Variants in WDFY2 observed in about 807,000 individuals in gnomAD.
The protein encoded by WDFY2 is WD repeat and FYVE domain-containing protein 2.
WDFY2 carries 36 observed loss-of-function variants against 56.4 expected under a neutral mutation model. That is an observed-to-expected ratio of 0.64 (90% confidence interval 0.49 to 0.84). WDFY2 has a LOEUF of 0.84. Among genes scored for constraint, WDFY2 ranks in the 40% least tolerant of loss-of-function variants. WDFY2 has a pLI of 0.00. For missense variants in WDFY2, 444 were observed against 512.2 expected (o/e 0.87, Z 1.29); for synonymous variants, 176 against 183.7 (o/e 0.96, Z 0.34).
chr13:51,584,902 C>T lies in WDFY2; in HGVS notation c.137+78C>T, dbSNP rs1593838379. On this transcript the variant is annotated intron_variant, in intron 1 of 11. Transcript: ENST00000298125. ...CTCGAGCCCGCGTCAGGGGCTGTGC[C>T]TTCACGTCGGCGCGAGTGTAGACTT... The T allele has an allele frequency of 5.1e-6, 8 of 1,570,624 alleles. No homozygotes were observed. The East Asian group carries it at 6.8e-5, about 13-fold the overall frequency.
At chr13:51,667,716 T>C (rs1955733243) in intron 2 of WDFY2, among the ~76,000 whole-genome samples, 1 of 152,144 alleles carries the variant, frequency 6.6e-6, no homozygotes, top group Non-Finnish European at 1.5e-5. Context: ...GGTTCCTGGT[T>C]GTGAAATGTA....
chr13:51,705,013 A>T (rs754949016), intron 4 of WDFY2, among the ~76,000 whole-genome samples: 2 of 152,158 alleles, frequency 1.3e-5, no homozygotes, highest in Non-Finnish European at 2.9e-5. Flanking sequence ...GGTTACAAAG[A>T]TACCAAAACT....
intron 2 of WDFY2, among the ~76,000 whole-genome samples, chr13:51,667,506 A>G (rs1490617067): frequency 6.6e-6 from 1 of 152,168 alleles, no homozygotes; most frequent in African/African-American, 2.4e-5. Context: ...TCATGTGGGT[A>G]TATTAGTGGT....
At chr13:51,613,889 T>A (rs949185090) in intron 1 of WDFY2, among the ~76,000 whole-genome samples, 2 of 152,144 alleles carry the variant, frequency 1.3e-5, no homozygotes, top group African/African-American at 4.8e-5. Context: ...AAATTAAGTA[T>A]GTCTGTGAAT....
intron 1 of WDFY2, among the ~76,000 whole-genome samples, chr13:51,635,971 A>G (rs184712662): frequency 6.6e-6 from 1 of 152,166 alleles, no homozygotes; most frequent in South Asian, 2.1e-4. Flanking sequence ...CTTCTCAGAT[A>G]TGGAAGCACC....
At chr13:51,660,902 G>A (rs146496427) in intron 2 of WDFY2, among the ~76,000 whole-genome samples, 4 of 152,196 alleles carry the variant, frequency 2.6e-5, no homozygotes, top group African/African-American at 9.6e-5. Context: ...ACTACAGCAC[G>A]TAGGCTTTCT....
At chr13:51,677,649 G>A (rs1955909743) in intron 3 of WDFY2, among the ~76,000 whole-genome samples, 1 of 152,162 alleles carries the variant, frequency 6.6e-6, no homozygotes. Flanking sequence ...AGAACACATT[G>A]TGTAAGATAG....
Position 51,758,017 on chromosome 13 carries a change from A to AT in WDFY2, c.1065-165dup, listed in dbSNP as rs5803570. Among the ~76,000 whole-genome samples the AT allele has an allele frequency of 4.5e-3, 680 of 149,468 alleles. 4 individuals are homozygous for AT. Among genetic ancestry groups the AT allele is most frequent in the Middle Eastern group, 0.017 (5 of 292 alleles). The stretch of plus-strand genomic sequence containing the variant: ...TTTTAAAGACTATAAGATTTCTTGT[A>AT]TTTTTTTTTTATCATAACTGGTCAC... On this transcript the variant is annotated intron_variant, in intron 10 of 11. Coordinates refer to ENST00000298125, the MANE Select transcript of WDFY2 (RefSeq NM_052950.4).
At chr13:51,700,652 T>G (rs1951963827) in intron 3 of WDFY2, among the ~76,000 whole-genome samples, 1 of 152,212 alleles carries the variant, frequency 6.6e-6, no homozygotes, top group Non-Finnish European at 1.5e-5. Flanking sequence ...AAACAAAGAT[T>G]CATCAATAAA....
At chr13:51,691,552 C>G (rs1956157096) in intron 3 of WDFY2, among the ~76,000 whole-genome samples, 1 of 151,902 alleles carries the variant, frequency 6.6e-6, no homozygotes, top group Non-Finnish European at 1.5e-5. Context: ...TTCCATTGAT[C>G]TATATCTCTG....
chr13:51,651,906 T>C (rs1955396180), intron 1 of WDFY2, among the ~76,000 whole-genome samples: 1 of 152,194 alleles, frequency 6.6e-6, no homozygotes, highest in African/African-American at 2.4e-5. Flanking sequence ...TCTGTAGATG[T>C]CTATTAGGTC....
At chr13:51,714,796 G>T (rs1485508421) in intron 4 of WDFY2, among the ~76,000 whole-genome samples, 1 of 152,152 alleles carries the variant, frequency 6.6e-6, no homozygotes, top group African/African-American at 2.4e-5. Flanking sequence ...GCATTGTTAG[G>T]CGATTTCAGT....
chr13:51,625,886 C>T (rs1385870792), intron 1 of WDFY2, among the ~76,000 whole-genome samples: 1 of 152,214 alleles, frequency 6.6e-6, no homozygotes, highest in Non-Finnish European at 1.5e-5. Context: ...CTTAACACTC[C>T]AGTGAGTTCC....
chr13:51,670,019 A>G (rs1013575435), intron 2 of WDFY2, among the ~76,000 whole-genome samples: 5 of 152,180 alleles, frequency 3.3e-5, no homozygotes, highest in African/African-American at 1.2e-4. Flanking sequence ...TGGAGAAAGT[A>G]ATTTTAAGGT....
chr13:51,646,594 C>T (rs1231143762), intron 1 of WDFY2, among the ~76,000 whole-genome samples: 1 of 152,132 alleles, frequency 6.6e-6, no homozygotes, highest in Non-Finnish European at 1.5e-5. Context: ...ATACCAGTAC[C>T]TAGTAGGTGT....
chr13:51,631,916 CTATTT>C (rs1954960440), intron 1 of WDFY2, among the ~76,000 whole-genome samples: 1 of 152,088 alleles, frequency 6.6e-6, no homozygotes, highest in South Asian at 2.1e-4. Flanking sequence ...GTTTTTTATT[CTATTT>C]TTTCAGTTGA....
At position 51,631,637 on chromosome 13, in the gene WDFY2, C is replaced by T. The variant is rs192827529; in HGVS notation, c.138-28959C>T. 9.9e-5 allele frequency among the ~76,000 whole-genome samples: 15 copies of T among 152,202 alleles called. No homozygotes were observed. In the East Asian group the frequency reaches 2.7e-3, roughly 27 times the overall value. ...TTGTTCATTTTTTTTACATTATGCT[C>T]CTTCAAGCATGCTTTCAACTTACAA... On this transcript the variant is annotated intron_variant, in intron 1 of 11. Coordinates refer to ENST00000298125, the MANE Select transcript of WDFY2 (RefSeq NM_052950.4).
At chr13:51,625,435 G>A (rs1034074244) in intron 1 of WDFY2, among the ~76,000 whole-genome samples, 2 of 152,186 alleles carry the variant, frequency 1.3e-5, no homozygotes, top group East Asian at 1.9e-4. Context: ...GGGAAGGAAT[G>A]TAGCTATCCT....
At chr13:51,742,305 A>G (rs1952993045) in intron 7 of WDFY2, among the ~76,000 whole-genome samples, 1 of 152,210 alleles carries the variant, frequency 6.6e-6, no homozygotes, top group East Asian at 1.9e-4. Context: ...ACTGTTTCCA[A>G]GTCCAAGGGA....
Sources: gnomAD v4.1 joint callset for allele counts (sites outside exome capture counted in the v4.1 genomes callset) on GRCh38, gnomAD v4.1.1 for gene constraint, MANE v1.5 for transcripts, NCBI Gene and HGNC (gene_info 2026-07-23, HGNC 2026-07-21) for gene names.